Variants in LLGL2 observed in about 807,000 individuals in gnomAD.
LLGL2 encodes the protein LLGL2, scribble cell polarity complex component.
LLGL2 carries 81 observed loss-of-function variants against 123.2 expected under a neutral mutation model. That is an observed-to-expected ratio of 0.66 (90% CI 0.55 to 0.79). The LOEUF (loss-of-function observed/expected upper bound fraction) is 0.79, where lower values mean the gene tolerates loss of function less well. Among genes scored for constraint, LLGL2 ranks in the 30% least tolerant of loss-of-function variants. The pLI is 0.00. For synonymous variants in LLGL2, 577 were observed against 594.1 expected (o/e 0.97, Z 0.42); for missense variants, 1,273 against 1,414.6 (o/e 0.90, Z 1.61).
rs755111571 is a variant in LLGL2 at position 75,568,849 on chromosome 17, T to C, written c.1322+10T>C. The C allele has an allele frequency of 1.3e-6, 2 of 1,571,454 alleles. No homozygotes were observed. Among genetic ancestry groups the C allele is most frequent in the Non-Finnish European group, 1.7e-6 (2 of 1,156,396 alleles). On this transcript the variant is annotated intron_variant, in intron 12 of 25. Transcript: ENST00000392550. The stretch of plus-strand genomic sequence containing the variant: ...ACCTGCTGCTCACAGGGTAGGGTAC[T>C]TTGATGCTACCCCACCTCTTCCCAG...
intron 6 of LLGL2, 146 bp from the exon 7 acceptor site, chr17:75,562,870 A>G: frequency 2.0e-6 from 2 of 1,019,910 alleles, no homozygotes; most frequent in Non-Finnish European, 2.8e-6. Flanking sequence ...ACGCTCGGCC[A>G]TCCACTGCGC....
intron 2 of LLGL2, among the ~76,000 whole-genome samples, chr17:75,551,011 C>T (rs138915092): frequency 7.2e-4 from 110 of 152,290 alleles, no homozygotes; most frequent in African/African-American, 2.5e-3. Context: ...TCATAACTAA[C>T]CTAGGGCTCC....
chr17:75,560,428 G>GT (rs1316201586), intron 6 of LLGL2, among the ~76,000 whole-genome samples: 1 of 152,078 alleles, frequency 6.6e-6, no homozygotes, highest in Non-Finnish European at 1.5e-5. Context: ...CTAGTCGGCG[G>GT]GGGGGCCCAA....
chr17:75,551,993 G>T (rs1483617408), intron 2 of LLGL2, among the ~76,000 whole-genome samples: 3 of 151,924 alleles, frequency 2.0e-5, no homozygotes, highest in African/African-American at 7.3e-5. Flanking sequence ...GCTGGGCGTG[G>T]TGGTGCATGC....
chr17:75,552,230 C>T (rs115583163), intron 2 of LLGL2, among the ~76,000 whole-genome samples: 110 of 152,110 alleles, frequency 7.2e-4, no homozygotes, highest in African/African-American at 2.6e-3. Context: ...CCTGTAATCC[C>T]AGCACTCTGG....
chr17:75,556,090 C>T lies in LLGL2; in HGVS notation c.120C>T (p.Tyr40=), dbSNP rs752154844. ...CGCACCAGCCCAGCGCCCTCGGCTA[C>T]AGCCCGTCCCTGCGCATCCTGGCCA... ...GFPHQPSALG[Y]SPSLRILAIG... The change falls in exon 3 of 26, where the codon TAC becomes TAT. Residue 40 remains tyrosine (Y), a synonymous_variant. Transcript: ENST00000392550. The T allele has an allele frequency of 6.2e-7, 1 of 1,610,116 alleles. No homozygotes were observed. Among genetic ancestry groups the T allele is most frequent in the East Asian group, 2.2e-5 (1 of 44,864 alleles).
chr17:75,568,782 T>C lies in LLGL2; in HGVS notation c.1265T>C (p.Ile422Thr), dbSNP rs773891537. 3.7e-5 allele frequency: 60 copies of C among 1,605,984 alleles called. No individual in the cohort carries two copies. Among genetic ancestry groups the C allele is most frequent in the Admixed American group, 5.0e-5 (3 of 59,612 alleles). Residue 422 changes from isoleucine (I) to threonine (T), a missense_variant, in exon 12 of 26, where the codon ATT becomes ACT. Physicochemically the swap from Ile to Thr is moderately conservative, Grantham distance 89 (BLOSUM62 -1). Transcript: ENST00000392550. Reference sequence around the variant, plus strand: ...GGTCTCTTTTTCTAGGAGTGGCCAATTGATGGTGGCACCAGCCTGACCCCA... The same window carrying C: ...GGTCTCTTTTTCTAGGAGTGGCCAACTGATGGTGGCACCAGCCTGACCCCA... ...NAHFSTMEWP[I>T]DGGTSLTPAP...
chr17:75,569,439 G>A (rs575481580), intron 14 of LLGL2, 114 bp downstream of exon 14: 155 of 820,882 alleles, frequency 1.9e-4, no homozygotes, highest in Admixed American at 2.8e-4. Context: ...TTGCTTTTCC[G>A]GTGGATGGAG....
rs891155583 is a variant in LLGL2 at position 75,558,805 on chromosome 17, T to C, written c.371+178T>C. 6.7e-6 allele frequency among the ~76,000 whole-genome samples: 1 copy of C among 148,294 alleles called. No individual in the cohort carries two copies. The highest frequency in any genetic ancestry group is 2.6e-5 in the African/African-American group (1 of 38,922). On this transcript the variant is annotated intron_variant, in intron 5 of 25. Coordinates refer to ENST00000392550, the MANE Select transcript of LLGL2 (RefSeq NM_001031803.2). This position sits in a 1 kb window ranked among gnomAD's most constrained non-coding sequence, Gnocchi z 4.0. ...GAGTGGAGTGGGCGGGGCTGCAGCCTGCCTCCTCCATCCACACCACGCCTC... is the reference window on the plus strand; with the variant it reads ...GAGTGGAGTGGGCGGGGCTGCAGCCCGCCTCCTCCATCCACACCACGCCTC...
chr17:75,548,525 C>T (rs774742501), intron 2 of LLGL2, among the ~76,000 whole-genome samples: 10 of 151,992 alleles, frequency 6.6e-5, no homozygotes, highest in Non-Finnish European at 1.2e-4. Context: ...AGTGGCCGGG[C>T]GCCGTGTCTC....
intron 17 of LLGL2, 193 bp from the exon 18 acceptor site, chr17:75,571,474 G>A: frequency 1.7e-6 from 1 of 596,412 alleles, no homozygotes; most frequent in Non-Finnish European, 3.0e-6. Flanking sequence ...CTCCCTGGCT[G>A]GTTCTCCCCT....
intron 6 of LLGL2, chr17:75,562,587 G>A: frequency 5.3e-6 from 1 of 189,334 alleles, no homozygotes; most frequent in East Asian, 1.2e-4. Context: ...TTTTTTTTTG[G>A]AAATGGAGTC....
In LLGL2 at chr17:75,558,824, ACGCCTCCTC is replaced by A. The variant is rs2055043395; in HGVS notation, c.371+199_371+207del. ...GCAGCCTGCCTCCTCCATCCACACC[ACGCCTCCTC>A]CATCCGCACCCCACCTCCTCCATCC... On this transcript the variant is annotated intron_variant, in intron 5 of 25. Transcript: ENST00000392550. This position sits in a 1 kb window ranked among gnomAD's most constrained non-coding sequence, Gnocchi z 4.0. Among the ~76,000 whole-genome samples the A allele has an allele frequency of 2.7e-5, 3 of 111,472 alleles. No individual in the cohort carries two copies. Among genetic ancestry groups the A allele is most frequent in the South Asian group, 3.0e-4 (1 of 3,338 alleles). The allele number at this position is 111,472 out of a possible 152,430, so 73.1% of individuals were successfully genotyped here.
Position 75,564,302 on chromosome 17 carries a change from T to G in LLGL2, c.882-51T>G. ...ACTTTGATTGCCGGCCTGTGGCTGT[T>G]GAGGCTGTGCCAGGAGCCCCAGCCC... On this transcript the variant is annotated intron_variant, in intron 9 of 25. Coordinates refer to ENST00000392550, the MANE Select transcript of LLGL2 (RefSeq NM_001031803.2). This position sits in a 1 kb window ranked among gnomAD's most constrained non-coding sequence, Gnocchi z 4.9. 1 of 1,560,022 alleles carries G rather than the reference T, an allele frequency of 6.4e-7. No individual in the cohort carries two copies.
Position 75,543,787 on chromosome 17 carries a change from A to G in LLGL2, c.75+286A>G, listed in dbSNP as rs145774754. On this transcript the variant is annotated intron_variant, in intron 2 of 25. Coordinates refer to ENST00000392550, the MANE Select transcript of LLGL2 (RefSeq NM_001031803.2). Reference sequence around the variant, plus strand: ...GAGCCTCAGTTTCCCTACCTGTATCATGGGAATAAAACGATCTGCCATGTC... The same window carrying G: ...GAGCCTCAGTTTCCCTACCTGTATCGTGGGAATAAAACGATCTGCCATGTC... 1.6e-3 allele frequency among the ~76,000 whole-genome samples: 245 copies of G among 152,226 alleles called. 1 individual carries two copies. Among genetic ancestry groups the G allele is most frequent in the Non-Finnish European group, 2.5e-3 (167 of 68,008 alleles).
At chr17:75,528,826 T>G (rs766702221) in intron 1 of LLGL2, among the ~76,000 whole-genome samples, 7 of 151,712 alleles carry the variant, frequency 4.6e-5, no homozygotes, top group Non-Finnish European at 1.0e-4. Flanking sequence ...GAGCCCATAG[T>G]GGGAAAAAGG....
chr17:75,537,541 C>T (rs1843923859), intron 1 of LLGL2, among the ~76,000 whole-genome samples: 1 of 151,860 alleles, frequency 6.6e-6, no homozygotes, highest in African/African-American at 2.4e-5. Context: ...CTAAAAATAA[C>T]AAAAAAATTA....
At chr17:75,532,077 C>CACACACACACACA (rs58220046) in intron 1 of LLGL2, among the ~76,000 whole-genome samples, 3,895 of 82,868 alleles carry the variant, frequency 0.047, 68 homozygotes, top group Non-Finnish European at 0.086. Flanking sequence ...CACACACACA[C>CACACACACACACA]TTTTTTTTTT....
Position 75,571,995 on chromosome 17 carries a change from T to G in LLGL2, c.2391T>G (p.His797Gln). ...VPLPEPLEVA[H>Q]DLSKSPDMQG... ...TTCCCGAGCCCCTCGAAGTGGCCCA[T>G]GATCTGTCGAAGAGCCCTGACATGC... Residue 797 changes from histidine (H) to glutamine (Q), a missense_variant, in exon 19 of 26, where the codon CAT (histidine) becomes CAG (glutamine). By Grantham distance (24) the His-to-Gln change is conservative. Coordinates refer to ENST00000392550, the MANE Select transcript of LLGL2 (RefSeq NM_001031803.2). 6.2e-7 allele frequency: 1 copy of G among 1,612,824 alleles called. No individual in the cohort carries two copies.
Sources: allele counts gnomAD v4.1 joint callset (sites outside exome capture counted in the v4.1 genomes callset), GRCh38; gene constraint gnomAD v4.1.1; non-coding constraint Gnocchi (gnomAD v3.1); transcripts MANE v1.5; gene names NCBI Gene and HGNC (gene_info 2026-07-23, HGNC 2026-07-21).